CSMD1: variants seen among roughly 807,000 people sequenced by gnomAD.
The protein encoded by CSMD1 is CUB and sushi domain-containing protein 1.
A neutral mutation model predicts 417.5 loss-of-function variants in CSMD1; 213 were observed. The ratio of observed to expected loss-of-function variants is 0.51; its 90% CI spans 0.46 to 0.57. The LOEUF is 0.57. Ranked by LOEUF, CSMD1 falls within the 20% of genes least tolerant of loss-of-function variation. The pLI, the probability that CSMD1 is intolerant of heterozygous loss-of-function variation, is 0.00. For missense variants in CSMD1, 6,923 were observed against 4,529.7 expected, an observed-to-expected ratio of 1.53 and a Z score of -15.17; for synonymous variants, 2,862 against 1,736.8, an observed-to-expected ratio of 1.65 and a Z score of -16.11.
chr8:3,409,760 T>C (rs747191368), intron 12 of CSMD1, among the ~76,000 whole-genome samples, 155 bp from the exon 13 acceptor site: 1 of 152,236 alleles, frequency 6.6e-6, no homozygotes, highest in African/African-American at 2.4e-5. Flanking sequence ...ATCTTAAATT[T>C]AATTTCAAAT....
chr8:3,977,317 T>C (rs1315319496), intron 5 of CSMD1, among the ~76,000 whole-genome samples: 1 of 152,166 alleles, frequency 6.6e-6, no homozygotes, highest in Non-Finnish European at 1.5e-5. Flanking sequence ...TTTCATTCCT[T>C]TCCCAATGTC....
At chr8:4,968,622 C>G (rs1810033796) in intron 1 of CSMD1, among the ~76,000 whole-genome samples, 1 of 152,150 alleles carries the variant, frequency 6.6e-6, no homozygotes, top group South Asian at 2.1e-4. Flanking sequence ...TCCCCTCCCT[C>G]AGTGCTGATT....
At chr8:4,085,814 C>G (rs1480657595) in intron 3 of CSMD1, among the ~76,000 whole-genome samples, 2 of 152,128 alleles carry the variant, frequency 1.3e-5, no homozygotes, top group East Asian at 3.9e-4. Context: ...CATGAAGCTT[C>G]CTGATAGCCA....
At chr8:3,511,607 G>C (rs1435742671) in intron 10 of CSMD1, among the ~76,000 whole-genome samples, 1 of 151,200 alleles carries the variant, frequency 6.6e-6, no homozygotes. Context: ...TATGAAAAAA[G>C]ATTAGCTGGG....
At chr8:4,561,631 A>T (rs1256350252) in intron 2 of CSMD1, among the ~76,000 whole-genome samples, 1 of 152,206 alleles carries the variant, frequency 6.6e-6, no homozygotes. Flanking sequence ...GCAGTGAGCC[A>T]TGAATGAGCT....
chr8:3,850,489 G>C (rs770695670), intron 5 of CSMD1, among the ~76,000 whole-genome samples: 2 of 152,166 alleles, frequency 1.3e-5, no homozygotes, highest in Admixed American at 6.5e-5. Context: ...GAGGTCAAGA[G>C]TTCAAGACCG....
intron 5 of CSMD1, among the ~76,000 whole-genome samples, chr8:3,777,069 A>C (rs929447290): frequency 9.2e-5 from 14 of 151,400 alleles, no homozygotes; most frequent in Non-Finnish European, 2.1e-4. Context: ...GTTTACATCT[A>C]TCATGCTTCC....
At chr8:3,167,736 A>G (rs1820321335) in intron 37 of CSMD1, among the ~76,000 whole-genome samples, 1 of 152,226 alleles carries the variant, frequency 6.6e-6, no homozygotes. Flanking sequence ...TTGACCAAAA[A>G]CACTTTAATG....
At position 3,203,280 on chromosome 8, in the gene CSMD1, T is replaced by A. The variant is rs1290920340; in HGVS notation, c.4985-1555A>T. 3.3e-5 allele frequency among the ~76,000 whole-genome samples: 5 copies of A among 152,118 alleles called. No individual in the cohort carries two copies. The East Asian group carries it at 9.7e-4, about 29-fold the overall frequency. ...GCTCATTCTGGACATGGCCCCAACG[T>A]CTTCCTTGAGGAACCTCCTTCACCT... On this transcript the variant is annotated intron_variant, in intron 31 of 69. Transcript: ENST00000635120.
intron 2 of CSMD1, among the ~76,000 whole-genome samples, chr8:4,436,232 A>G (rs73178944): frequency 0.058 from 8,810 of 152,270 alleles, 324 homozygotes; most frequent in Non-Finnish European, 0.086. Flanking sequence ...TTATTGTAGG[A>G]CAAAATTAGT....
In CSMD1 at chr8:3,988,615, A is replaced by G. The variant is rs193109396; in HGVS notation, c.818+9288T>C. On this transcript the variant is annotated intron_variant, in intron 5 of 69. Transcript: ENST00000635120. ...TGAGTCCTGTGCACATGACAGCTGG[A>G]GAGGAACGTTTAATAGATAAATATG... is the stretch of plus-strand genomic sequence containing the variant. Among the ~76,000 whole-genome samples, 49 of 152,316 alleles carry G rather than the reference A, an allele frequency of 3.2e-4. No individual in the cohort carries two copies. In the East Asian group the frequency reaches 8.1e-3, roughly 25 times the overall value.
At chr8:3,468,914 C>A in intron 11 of CSMD1, 90 bp from the exon 12 acceptor site, 3 of 767,086 alleles carry the variant, frequency 3.9e-6, no homozygotes, top group Admixed American at 2.2e-5. Context: ...CTTTAAACAG[C>A]CAAACCCTAG....
In CSMD1 at chr8:3,935,451, C is replaced by T. The variant is rs767710530; in HGVS notation, c.818+62452G>A. Among the ~76,000 whole-genome samples the T allele has an allele frequency of 1.4e-4, 22 of 152,222 alleles. No homozygotes were observed. The South Asian group carries it at 2.1e-3, about 14-fold the overall frequency. On this transcript the variant is annotated intron_variant, in intron 5 of 69. Coordinates refer to ENST00000635120, the MANE Select transcript of CSMD1 (RefSeq NM_033225.6). ...GAAAAATTGAAGTTTCCTGGCAACC[C>T]GACATTAAACAGGTCTATTGGTGTC...
intron 2 of CSMD1, among the ~76,000 whole-genome samples, chr8:4,524,162 G>A (rs962445541): frequency 6.6e-6 from 1 of 151,776 alleles, no homozygotes; most frequent in African/African-American, 2.4e-5. Context: ...ATATTTGTAT[G>A]TATAAAGAAA....
Position 3,999,416 on chromosome 8 carries a change from G to T in CSMD1, c.611-1306C>A, listed in dbSNP as rs200552012. Among the ~76,000 whole-genome samples the T allele has an allele frequency of 5.9e-5, 9 of 152,118 alleles. No homozygotes were observed. The East Asian group carries it at 1.3e-3, about 23-fold the overall frequency. ...TCCTTTTATTAACTCTTCCCAAGTT[G>T]CAAGTTCCAATATTTCTTTCATCTT... On this transcript the variant is annotated intron_variant, in intron 4 of 69. Transcript: ENST00000635120.
intron 5 of CSMD1, among the ~76,000 whole-genome samples, chr8:3,927,621 C>T (rs572803172): frequency 6.6e-5 from 10 of 152,180 alleles, no homozygotes; most frequent in Admixed American, 2.6e-4. Flanking sequence ...GCCGACATCA[C>T]GCCACTGAAC....
intron 5 of CSMD1, among the ~76,000 whole-genome samples, chr8:3,982,694 A>C (rs533711123): frequency 6.6e-6 from 1 of 152,132 alleles, no homozygotes; most frequent in African/African-American, 2.4e-5. Context: ...CGGAAGCCTC[A>C]TAAGATCAGG....
rs569221874 is a variant in CSMD1 at position 3,678,413 on chromosome 8, G to A, written c.1009+30001C>T. Among the ~76,000 whole-genome samples the A allele has an allele frequency of 4.3e-4, 66 of 152,236 alleles. 1 individual carries two copies. Among genetic ancestry groups the A allele is most frequent in the African/African-American group, 1.5e-3 (61 of 41,550 alleles). On this transcript the variant is annotated intron_variant, in intron 7 of 69. Coordinates refer to ENST00000635120, the MANE Select transcript of CSMD1 (RefSeq NM_033225.6). ...ATGCACAAGTTTGAACAGCCGATTC[G>A]ATCAACTGGAAGAAAGGGTATCAGT...
At chr8:4,877,686 T>G (rs1803134982) in intron 1 of CSMD1, among the ~76,000 whole-genome samples, 1 of 152,042 alleles carries the variant, frequency 6.6e-6, no homozygotes, top group South Asian at 2.1e-4. Context: ...TCTCCCCTAT[T>G]CCATCTGGAA....
Sources: gnomAD v4.1 joint callset for allele counts (sites outside exome capture counted in the v4.1 genomes callset) on GRCh38, gnomAD v4.1.1 for gene constraint, MANE v1.5 for transcripts, NCBI Gene and HGNC (gene_info 2026-07-23, HGNC 2026-07-21) for gene names.